Variants in SNX29 observed in about 807,000 individuals in gnomAD.
The protein encoded by SNX29 is sorting nexin-29.
In SNX29, 78 loss-of-function variants were observed where a neutral mutation model predicts 102.1. That is an observed-to-expected ratio of 0.76 (90% CI 0.64 to 0.92). SNX29 has a LOEUF of 0.92. Among genes scored for constraint, SNX29 ranks in the 40% least tolerant of loss-of-function variants. The probability of loss-of-function intolerance (pLI) is 0.00; values close to 1 mark genes in which losing one functional copy is unlikely to be tolerated. For missense variants in SNX29, 1,280 were observed against 1,061.7 expected (o/e 1.21, Z -2.86); for synonymous variants, 580 against 414.5 (o/e 1.40, Z -4.85).
At chr16:12,029,841 C>G (rs533654436) in intron 4 of SNX29, 1 of 343,388 alleles carries the variant, frequency 2.9e-6, no homozygotes, top group African/African-American at 2.2e-5. Context: ...ATCTGCCCGC[C>G]TCGACCTCCC....
chr16:12,418,480 T>C (rs4780433), intron 18 of SNX29, among the ~76,000 whole-genome samples: 85,120 of 151,550 alleles, frequency 0.56, 24,452 homozygotes, highest in Non-Finnish European at 0.63. Context: ...GTGTGGTCAT[T>C]TGCACCAGTT....
intron 13 of SNX29, among the ~76,000 whole-genome samples, chr16:12,171,099 C>G (rs189540181): frequency 1.3e-5 from 2 of 152,122 alleles, no homozygotes; most frequent in African/African-American, 2.4e-5. Flanking sequence ...AATTCCTTCT[C>G]TAGCTCCTCA....
intron 11 of SNX29, among the ~76,000 whole-genome samples, chr16:12,092,285 A>AGAAGGAGGGAAG (rs55837073): frequency 7.9e-5 from 12 of 151,574 alleles, no homozygotes; most frequent in South Asian, 6.2e-4. Flanking sequence ...AGACATTTAA[A>AGAAGGAGGGAAG]GAAGGAAGGA....
In SNX29 at chr16:12,126,637, A is replaced by G; in HGVS notation, c.1407A>G (p.Glu469=). 2.5e-6 allele frequency: 4 copies of G among 1,613,974 alleles called. No individual in the cohort carries two copies. The highest frequency in any genetic ancestry group is 2.2e-5 in the East Asian group (1 of 44,888). ...GACTTTGTTTTCTTCCCTTAGGTGA[A>G]CTGCGCCAGGCCACTGTGGCCATGA... ...ASVPESMTIS[E]LRQATVAMMN... is the part of the protein sequence containing the mutation. The change falls in exon 12 of 21, where the codon GAA becomes GAG. Residue 469 remains glutamate (E), a synonymous_variant. Transcript: ENST00000566228.
At chr16:12,543,990 C>T (rs1476882646) in intron 20 of SNX29, among the ~76,000 whole-genome samples, 2 of 152,154 alleles carry the variant, frequency 1.3e-5, no homozygotes, top group Non-Finnish European at 2.9e-5. Flanking sequence ...AAGGTCACAC[C>T]ATGGGTTAAA....
chr16:12,436,569 C>T (rs902439266), intron 18 of SNX29, among the ~76,000 whole-genome samples: 1 of 152,244 alleles, frequency 6.6e-6, no homozygotes, highest in Non-Finnish European at 1.5e-5. Flanking sequence ...TGAGGGGCCT[C>T]TCTGAGCTCC....
chr16:12,136,651 C>T (rs532846315), intron 13 of SNX29, among the ~76,000 whole-genome samples: 2 of 152,346 alleles, frequency 1.3e-5, no homozygotes, highest in Non-Finnish European at 2.9e-5. Flanking sequence ...AAGATGGCCT[C>T]TGGTAGCACT....
intron 15 of SNX29, among the ~76,000 whole-genome samples, chr16:12,313,405 T>C (rs1042206287): frequency 2.6e-5 from 4 of 152,250 alleles, no homozygotes; most frequent in Admixed American, 2.6e-4. Context: ...AGGGGTAAAA[T>C]GGGGTTGCCT....
intron 11 of SNX29, among the ~76,000 whole-genome samples, chr16:12,114,403 C>G (rs2053613496): frequency 6.6e-6 from 1 of 152,096 alleles, no homozygotes; most frequent in Admixed American, 6.6e-5. Context: ...GAGGCTCTGT[C>G]TCTAAAATGA....
At chr16:12,535,171 C>A (rs575908546) in intron 20 of SNX29, among the ~76,000 whole-genome samples, 4 of 152,230 alleles carry the variant, frequency 2.6e-5, no homozygotes, top group African/African-American at 4.8e-5. Context: ...CAGAGTCTCA[C>A]TCTGTCACCA....
Position 12,572,079 on chromosome 16 carries a change from G to A in SNX29, c.*3450G>A. 1 of 1,063,598 alleles carries A rather than the reference G, an allele frequency of 9.4e-7. No homozygotes were observed. Among genetic ancestry groups the A allele is most frequent in the Non-Finnish European group, 1.1e-6 (1 of 878,054 alleles). The allele number at this position is 1,063,598 out of a possible 1,614,324, so 65.9% of individuals were successfully genotyped here. ...GGAACCATCTTGCAAGATCTAGGAA[G>A]AGGAAGGGGAGGGATGTGGACTGGG... On this transcript the variant is annotated 3_prime_UTR_variant, in exon 21 of 21. Transcript: ENST00000566228.
chr16:12,149,855 A>G (rs148933064), intron 13 of SNX29, among the ~76,000 whole-genome samples: 3 of 152,298 alleles, frequency 2.0e-5, no homozygotes, highest in African/African-American at 7.2e-5. Context: ...TCAGGACTCA[A>G]GGATCACAGA....
intron 20 of SNX29, among the ~76,000 whole-genome samples, chr16:12,562,982 G>C (rs77108528): frequency 6.6e-6 from 1 of 151,870 alleles, no homozygotes; most frequent in Non-Finnish European, 1.5e-5. Context: ...GAGGGCTGAT[G>C]CGTAAGAAAA....
intron 20 of SNX29, among the ~76,000 whole-genome samples, chr16:12,567,521 A>C (rs1189492147): frequency 1.3e-5 from 2 of 152,166 alleles, no homozygotes; most frequent in Non-Finnish European, 2.9e-5. Flanking sequence ...ACAGTGGCTC[A>C]CACCTGTAAT....
At chr16:12,444,104 G>C (rs531454515) in intron 18 of SNX29, among the ~76,000 whole-genome samples, 1 of 151,526 alleles carries the variant, frequency 6.6e-6, no homozygotes, top group Admixed American at 6.6e-5. Context: ...ATAGCACCTA[G>C]CACGTAGTAA....
At chr16:12,290,678 G>T (rs113958969) in intron 15 of SNX29, among the ~76,000 whole-genome samples, 4,875 of 152,232 alleles carry the variant, frequency 0.032, 121 homozygotes, top group Admixed American at 0.063. Context: ...TCTTTTTGTA[G>T]ACACATAGGA....
intron 20 of SNX29, among the ~76,000 whole-genome samples, chr16:12,563,943 G>A (rs567993675): frequency 6.6e-6 from 1 of 152,160 alleles, no homozygotes; most frequent in Non-Finnish European, 1.5e-5. Context: ...CGCTGATCTT[G>A]TTCAAGAAAG....
chr16:12,382,013 G>A (rs978608215), intron 16 of SNX29, among the ~76,000 whole-genome samples: 5 of 151,766 alleles, frequency 3.3e-5, no homozygotes, highest in Non-Finnish European at 5.9e-5. Flanking sequence ...AAGTCATCAC[G>A]TTCATCATGA....
intron 20 of SNX29, among the ~76,000 whole-genome samples, chr16:12,565,152 G>A (rs1357907591): frequency 6.6e-6 from 1 of 151,968 alleles, no homozygotes; most frequent in African/African-American, 2.4e-5. Context: ...TCCTTTGCCA[G>A]TTTACATACT....
Sources: allele counts gnomAD v4.1 joint callset (sites outside exome capture counted in the v4.1 genomes callset), GRCh38; gene constraint gnomAD v4.1.1; transcripts MANE v1.5; gene names NCBI Gene and HGNC (gene_info 2026-07-23, HGNC 2026-07-21).